LSM8: variants seen among roughly 807,000 people sequenced by gnomAD.
The protein encoded by LSM8 is LSM8 U6 small nuclear RNA associated.
A neutral mutation model predicts 15.0 loss-of-function variants in LSM8; 14 were observed. The ratio of observed to expected loss-of-function variants is 0.93; its 90% confidence interval spans 0.62 to 1.46. The LOEUF (loss-of-function observed/expected upper bound fraction) is 1.46, where lower values mean the gene tolerates loss of function less well. Among genes scored for constraint, LSM8 ranks in the 40% most tolerant of loss-of-function variants. The probability of loss-of-function intolerance (pLI) is 0.00; values close to 1 mark genes in which losing one functional copy is unlikely to be tolerated. For missense variants in LSM8, 90 were observed against 115.4 expected (o/e 0.78, Z 1.01); for synonymous variants, 50 against 42.1 (o/e 1.19, Z -0.73).
At chr7:118,185,840 G>A in intron 2 of LSM8, 146 bp downstream of exon 2, 2 of 679,114 alleles carry the variant, frequency 2.9e-6, no homozygotes, top group East Asian at 5.6e-5. Context: ...TCACTTTGCT[G>A]TCAATCCATG....
chr7:118,201,783 C>G lies in LSM8; in HGVS notation c.*9781C>G, dbSNP rs1318580218. Among the ~76,000 whole-genome samples, 1 of 152,050 alleles carries G rather than the reference C, an allele frequency of 6.6e-6. No homozygotes were observed. Among genetic ancestry groups the G allele is most frequent in the Non-Finnish European group, 1.5e-5 (1 of 67,988 alleles). ...TTTCATGTATACATTTGTGGTAACA[C>G]TTTAACTTTTTCCCTGTAAGGCCAT... On this transcript the variant is annotated 3_prime_UTR_variant, in exon 4 of 4. Coordinates refer to ENST00000249299, the MANE Select transcript of LSM8 (RefSeq NM_016200.5).
chr7:118,184,176 C>T lies in LSM8; in HGVS notation c.-48C>T, dbSNP rs767045540. The T allele has an allele frequency of 2.6e-6, 4 of 1,544,360 alleles. No homozygotes were observed. The highest frequency in any genetic ancestry group is 2.0e-5 in the Admixed American group (1 of 50,532). On this transcript the variant is annotated 5_prime_UTR_variant, in exon 1 of 4. Transcript: ENST00000249299. ...GTTCTGGCGCGCCCTTTCAGTTCTG[C>T]TTGCTGTCGGCACCGCTGCGTTACC...
At position 118,195,450 on chromosome 7, in the gene LSM8, A is replaced by G. The variant is rs1362505495; in HGVS notation, c.*3448A>G. ...AGTCAAAGGCCAATGTATAAAAGTT[A>G]AAAATATAGGTCTTGTCAGCTTTTT... On this transcript the variant is annotated 3_prime_UTR_variant, in exon 4 of 4. Coordinates refer to ENST00000249299, the MANE Select transcript of LSM8 (RefSeq NM_016200.5). 1.3e-5 allele frequency among the ~76,000 whole-genome samples: 2 copies of G among 152,216 alleles called. No homozygotes were observed. Among genetic ancestry groups the G allele is most frequent in the African/African-American group, 4.8e-5 (2 of 41,464 alleles).
rs1346850941 is a variant in LSM8, at chr7:118,199,352, G to T, written c.*7350G>T. Among the ~76,000 whole-genome samples, 1 of 151,118 alleles carries T rather than the reference G, an allele frequency of 6.6e-6. No homozygotes were observed. ...TTCTTAGAGCAGCAAGTTGATTTTA[G>T]GGGATTAAAAATCTAAGACGTTTAA... On this transcript the variant is annotated 3_prime_UTR_variant, in exon 4 of 4. Coordinates refer to ENST00000249299, the MANE Select transcript of LSM8 (RefSeq NM_016200.5).
At position 118,202,413 on chromosome 7, in the gene LSM8, C is replaced by G. The variant is rs1305052030; in HGVS notation, c.*10411C>G. Among the ~76,000 whole-genome samples the G allele has an allele frequency of 6.6e-6, 1 of 151,890 alleles. No individual in the cohort carries two copies. Among genetic ancestry groups the G allele is most frequent in the Non-Finnish European group, 1.5e-5 (1 of 67,916 alleles). On this transcript the variant is annotated 3_prime_UTR_variant, in exon 4 of 4. Coordinates refer to ENST00000249299, the MANE Select transcript of LSM8 (RefSeq NM_016200.5). ...CCTACTCAAAGAAGTGACCCAGTAC[C>G]CAGGCCACTATTTTCTCTTTGCCAT...
chr7:118,191,867 T>A (rs760753123), intron 3 of LSM8, 45 bp from the exon 4 acceptor site: 1 of 1,433,606 alleles, frequency 7.0e-7, no homozygotes. Context: ...GAAACACATG[T>A]AATTTATTTC....
rs879391113 is a variant in LSM8 at position 118,192,991 on chromosome 7, C to G, written c.*989C>G. On this transcript the variant is annotated 3_prime_UTR_variant, in exon 4 of 4. Coordinates refer to ENST00000249299, the MANE Select transcript of LSM8 (RefSeq NM_016200.5). Reference sequence around the variant, plus strand: ...ATTTCTGATCAACTCATGTATAGGCCCAAGTGTGTGTCTTTGTGATGAGAA... The same window carrying G: ...ATTTCTGATCAACTCATGTATAGGCGCAAGTGTGTGTCTTTGTGATGAGAA... Among the ~76,000 whole-genome samples the G allele has an allele frequency of 5.1e-4, 77 of 151,924 alleles. No homozygotes were observed. The highest frequency in any genetic ancestry group is 1.7e-3 in the African/African-American group (72 of 41,346).
rs1809175365 is a variant in LSM8 at position 118,201,676 on chromosome 7, G to T, written c.*9674G>T. On this transcript the variant is annotated 3_prime_UTR_variant, in exon 4 of 4. Coordinates refer to ENST00000249299, the MANE Select transcript of LSM8 (RefSeq NM_016200.5). The stretch of plus-strand genomic sequence containing the variant: ...TACCTTTTACTGCAAAAATAAAAAT[G>T]AGTTTATCCTTGCCCTAAAGCTGTA... 6.6e-6 allele frequency among the ~76,000 whole-genome samples: 1 copy of T among 151,948 alleles called. No individual in the cohort carries two copies. Among genetic ancestry groups the T allele is most frequent in the South Asian group, 2.1e-4 (1 of 4,832 alleles).
At chr7:118,186,999 A>G (rs769751019) in intron 2 of LSM8, among the ~76,000 whole-genome samples, 1 of 152,226 alleles carries the variant, frequency 6.6e-6, no homozygotes, top group Admixed American at 6.5e-5. Flanking sequence ...GTGATATAAA[A>G]AGCATCTTAA....
In LSM8 at chr7:118,193,130, T is replaced by A. The variant is rs1313655277; in HGVS notation, c.*1128T>A. Among the ~76,000 whole-genome samples the A allele has an allele frequency of 6.6e-6, 1 of 152,148 alleles. No individual in the cohort carries two copies. The highest frequency in any genetic ancestry group is 2.4e-5 in the African/African-American group (1 of 41,452). ...AGTTGGCAAGCTTTTTCTATGAAGA[T>A]CCAGATAGTCTTTTAGGCTTTGAAG... On this transcript the variant is annotated 3_prime_UTR_variant, in exon 4 of 4. Coordinates refer to ENST00000249299, the MANE Select transcript of LSM8 (RefSeq NM_016200.5).
At position 118,202,331 on chromosome 7, in the gene LSM8, T is replaced by TCTCTC. The variant is rs1809184309; in HGVS notation, c.*10329_*10330insCTCTC. On this transcript the variant is annotated 3_prime_UTR_variant, in exon 4 of 4. Transcript: ENST00000249299. Reference sequence around the variant, plus strand: ...GGCTTTAACAGGCAGGAGGAGTTCATTTATCTCGAGAGAAAAGAACAGAAA... The same window carrying TCTCTC: ...GGCTTTAACAGGCAGGAGGAGTTCATCTCTCTTATCTCGAGAGAAAAGAACAGAAA... Among the ~76,000 whole-genome samples the TCTCTC allele has an allele frequency of 3.3e-5, 5 of 151,974 alleles. No homozygotes were observed. Among genetic ancestry groups the TCTCTC allele is most frequent in the Admixed American group, 3.3e-4 (5 of 15,224 alleles).
rs979394868 is a variant in LSM8 at position 118,200,648 on chromosome 7, C to G, written c.*8646C>G. 2.0e-5 allele frequency among the ~76,000 whole-genome samples: 3 copies of G among 152,062 alleles called. No individual in the cohort carries two copies. Among genetic ancestry groups the G allele is most frequent in the African/African-American group, 7.2e-5 (3 of 41,426 alleles). On this transcript the variant is annotated 3_prime_UTR_variant, in exon 4 of 4. Transcript: ENST00000249299. ...CATAATAAACAAGCAAACTGTCATA[C>G]TTGTTGACTTATATTTCATTCCATG...
At chr7:118,184,276 CGG>C (rs1773148505) in intron 1 of LSM8, 22 bp downstream of exon 1, 1 of 1,474,128 alleles carries the variant, frequency 6.8e-7, no homozygotes, top group Non-Finnish European at 9.1e-7. Flanking sequence ...CTGGCCGCCG[CGG>C]GCGTGAGCCG....
Position 118,188,389 on chromosome 7 carries a change from G to GT in LSM8, c.185dup (p.Arg63LysfsTer3). On this transcript the variant is annotated frameshift_variant, in exon 3 of 4. Coordinates refer to ENST00000249299, the MANE Select transcript of LSM8 (RefSeq NM_016200.5). LOFTEE classifies it high-confidence loss of function. ...ACAAGTGGTACTAGGATTATACATT[G>GT]TAAGAGGTGACAACGTGTAAGTAAA... 1 of 1,611,766 alleles carries GT rather than the reference G, an allele frequency of 6.2e-7. No individual in the cohort carries two copies. The highest frequency in any genetic ancestry group is 8.5e-7 in the Non-Finnish European group (1 of 1,178,572).
rs923223245 is a variant in LSM8, at chr7:118,196,187, A to C, written c.*4185A>C. ...CCAGGCAGTATGCTCAAAGCTGTGG[A>C]TAGGCCAGGGAACAGTATTCTTGTG... On this transcript the variant is annotated 3_prime_UTR_variant, in exon 4 of 4. Coordinates refer to ENST00000249299, the MANE Select transcript of LSM8 (RefSeq NM_016200.5). Among the ~76,000 whole-genome samples the C allele has an allele frequency of 6.6e-6, 1 of 152,194 alleles. No homozygotes were observed. Among genetic ancestry groups the C allele is most frequent in the Non-Finnish European group, 1.5e-5 (1 of 68,032 alleles).
chr7:118,194,113 TGTAAG>T lies in LSM8; in HGVS notation c.*2113_*2117del, dbSNP rs1349355242. On this transcript the variant is annotated 3_prime_UTR_variant, in exon 4 of 4. Transcript: ENST00000249299. ...ATTGGATTTATTTTTGCATGAGAAT[TGTAAG>T]GGAGCCACAACCATGAGTAGTAACA... 3.3e-5 allele frequency among the ~76,000 whole-genome samples: 5 copies of T among 152,250 alleles called. No homozygotes were observed. The South Asian group carries it at 6.2e-4, about 19-fold the overall frequency.
rs1809137153 is a variant in LSM8, at chr7:118,199,591, T to C, written c.*7589T>C. Among the ~76,000 whole-genome samples, 1 of 152,146 alleles carries C rather than the reference T, an allele frequency of 6.6e-6. No homozygotes were observed. The highest frequency in any genetic ancestry group is 2.1e-4 in the South Asian group (1 of 4,828). ...AAATTTTGGAATGGTGATTCTAACC[T>C]TTAAGGTTGGTGCCATGGAAGGAAA... On this transcript the variant is annotated 3_prime_UTR_variant, in exon 4 of 4. Transcript: ENST00000249299.
chr7:118,185,281 C>A, intron 1 of LSM8: 1 of 155,454 alleles, frequency 6.4e-6, no homozygotes, highest in Non-Finnish European at 1.3e-5. Flanking sequence ...TTTTTTGAGT[C>A]GAGGGTCTCA....
chr7:118,194,579 GTAA>G lies in LSM8; in HGVS notation c.*2582_*2584del, dbSNP rs1304504050. ...TATAACATCCTTCGGAATTTTTAAG[GTAA>G]TAATGTGAGATATAAGTATGATAAA... On this transcript the variant is annotated 3_prime_UTR_variant, in exon 4 of 4. Coordinates refer to ENST00000249299, the MANE Select transcript of LSM8 (RefSeq NM_016200.5). Among the ~76,000 whole-genome samples the G allele has an allele frequency of 2.0e-5, 3 of 152,018 alleles. No individual in the cohort carries two copies. Among genetic ancestry groups the G allele is most frequent in the Admixed American group, 6.6e-5 (1 of 15,256 alleles).
Sources: allele counts gnomAD v4.1 joint callset (sites outside exome capture counted in the v4.1 genomes callset), GRCh38; gene constraint gnomAD v4.1.1; transcripts MANE v1.5; gene names NCBI Gene and HGNC (gene_info 2026-07-23, HGNC 2026-07-21).